CLDN10: variants seen among roughly 807,000 people sequenced by gnomAD.
CLDN10 encodes the protein claudin 10.
Under a neutral mutation model 22.9 loss-of-function variants are expected in CLDN10, and 15 were observed. That is an observed-to-expected ratio of 0.65 (90% CI 0.44 to 1.01). The LOEUF (loss-of-function observed/expected upper bound fraction) is 1.01. Among genes scored for constraint, CLDN10 ranks in the 50% least tolerant of loss-of-function variants. CLDN10 has a pLI of 0.00. For missense variants in CLDN10, 247 were observed against 287.8 expected, an observed-to-expected ratio of 0.86 and a Z score of 1.03; for synonymous variants, 114 against 111.4, an observed-to-expected ratio of 1.02 and a Z score of -0.15.
intron 1 of CLDN10, among the ~76,000 whole-genome samples, chr13:95,538,600 G>A (rs1420087032): frequency 1.3e-5 from 2 of 152,096 alleles, no homozygotes; most frequent in Non-Finnish European, 2.9e-5. Context: ...GTGTGTGTTC[G>A]CTCTGAAATC....
At chr13:95,449,385 G>A (rs8001285) in intron 1 of CLDN10, among the ~76,000 whole-genome samples, 33,754 of 151,756 alleles carry the variant, frequency 0.22, 4,360 homozygotes, top group Non-Finnish European at 0.3. Context: ...CCGAGTAGCT[G>A]GAATTACAGG....
chr13:95,537,685 T>C (rs142580743), intron 1 of CLDN10, among the ~76,000 whole-genome samples: 1 of 152,310 alleles, frequency 6.6e-6, no homozygotes, highest in Non-Finnish European at 1.5e-5. Flanking sequence ...CATTTCCAAA[T>C]TTGAAGTCCT....
chr13:95,502,764 G>A (rs1209790062), intron 1 of CLDN10, among the ~76,000 whole-genome samples: 1 of 152,022 alleles, frequency 6.6e-6, no homozygotes, highest in East Asian at 1.9e-4. Context: ...CAAGTGATCC[G>A]CCCGCCTCAG....
chr13:95,463,636 A>G (rs1293957195), intron 1 of CLDN10, among the ~76,000 whole-genome samples: 2 of 151,912 alleles, frequency 1.3e-5, no homozygotes, highest in Non-Finnish European at 2.9e-5. Context: ...CCTGGCCTTA[A>G]CTATACTTTA....
chr13:95,554,910 C>G (rs1424239853), intron 1 of CLDN10, among the ~76,000 whole-genome samples: 1 of 152,140 alleles, frequency 6.6e-6, no homozygotes, highest in African/African-American at 2.4e-5. Flanking sequence ...AGACTCCATT[C>G]CACTGAGAAA....
chr13:95,460,538 G>C (rs1030676685), intron 1 of CLDN10, among the ~76,000 whole-genome samples: 22 of 152,088 alleles, frequency 1.4e-4, no homozygotes, highest in African/African-American at 5.3e-4. Flanking sequence ...AAAACCATTA[G>C]ATCTCATGAA....
chr13:95,505,860 T>C (rs2043033289), intron 1 of CLDN10, among the ~76,000 whole-genome samples: 1 of 150,610 alleles, frequency 6.6e-6, no homozygotes, highest in African/African-American at 2.5e-5. Context: ...GTTCCAGTGA[T>C]TCTCTTGCCT....
Position 95,560,288 on chromosome 13 carries a change from T to C in CLDN10, c.377T>C (p.Leu126Pro). 6.2e-7 allele frequency: 1 copy of C among 1,614,102 alleles called. No homozygotes were observed. Among genetic ancestry groups the C allele is most frequent in the East Asian group, 2.2e-5 (1 of 44,872 alleles). ...TGTTTGGCTGGGATTGTATTCATAC[T>C]GTCAGGTAAATAGTAACTTTCTTCC... ...IACLAGIVFI[L>P]SGLCSMTGCS... Residue 126 changes from leucine to proline, a missense_variant, in exon 2 of 5, where the codon CTG becomes CCG. Physicochemically the swap from Leu to Pro is moderately conservative, Grantham distance 98 (BLOSUM62 -3). Transcript: ENST00000299339.
chr13:95,497,815 A>C (rs2042944401), intron 1 of CLDN10, among the ~76,000 whole-genome samples: 1 of 152,234 alleles, frequency 6.6e-6, no homozygotes, highest in African/African-American at 2.4e-5. Context: ...CAGGCCACTG[A>C]ATACTAGAAA....
intron 1 of CLDN10, among the ~76,000 whole-genome samples, chr13:95,526,617 G>A (rs149667155): frequency 0.099 from 15,064 of 151,928 alleles, 905 homozygotes; most frequent in Middle Eastern, 0.13. Flanking sequence ...GTGAAACTCC[G>A]TCTCTATTAA....
intron 1 of CLDN10, among the ~76,000 whole-genome samples, chr13:95,555,827 C>T (rs2138649305): frequency 6.6e-6 from 1 of 152,244 alleles, no homozygotes; most frequent in East Asian, 1.9e-4. Flanking sequence ...ACCTTGCATT[C>T]CCAGGTCAGC....
At chr13:95,451,489 G>A (rs2042431221) in intron 1 of CLDN10, among the ~76,000 whole-genome samples, 1 of 152,144 alleles carries the variant, frequency 6.6e-6, no homozygotes, top group South Asian at 2.1e-4. Context: ...AGGGTACAGT[G>A]GCACAGTCAT....
At chr13:95,570,858 G>GTGTATATATATATA (rs60359070) in intron 3 of CLDN10, among the ~76,000 whole-genome samples, 1,756 of 119,488 alleles carry the variant, frequency 0.015, 26 homozygotes, top group Middle Eastern at 0.045. Flanking sequence ...ATATACGTGT[G>GTGTATATATATATA]TATATATATA....
intron 1 of CLDN10, among the ~76,000 whole-genome samples, chr13:95,471,642 G>C (rs1439856804): frequency 2.0e-5 from 3 of 151,784 alleles, no homozygotes; most frequent in East Asian, 3.9e-4. Flanking sequence ...AGTAAAGACA[G>C]GGTTTCACCA....
chr13:95,452,500 C>T (rs1461391608), intron 1 of CLDN10, among the ~76,000 whole-genome samples: 1 of 152,122 alleles, frequency 6.6e-6, no homozygotes, highest in African/African-American at 2.4e-5. Flanking sequence ...TGGTCTTGCC[C>T]ATAAATTATC....
At chr13:95,495,403 G>T (rs1285029173) in intron 1 of CLDN10, among the ~76,000 whole-genome samples, 1 of 151,668 alleles carries the variant, frequency 6.6e-6, no homozygotes, top group Non-Finnish European at 1.5e-5. Flanking sequence ...TGTTCCCTTG[G>T]TCAACTGAGC....
chr13:95,462,828 C>T (rs530906759), intron 1 of CLDN10, among the ~76,000 whole-genome samples: 7 of 152,262 alleles, frequency 4.6e-5, no homozygotes, highest in African/African-American at 1.4e-4. Context: ...ATAAACGACT[C>T]AAAAGATACT....
At chr13:95,475,162 GGATCAGAC>G (rs1023407813) in intron 1 of CLDN10, among the ~76,000 whole-genome samples, 12 of 45,770 alleles carry the variant, frequency 2.6e-4, no homozygotes, top group African/African-American at 9.9e-4. Flanking sequence ...TCGGATCAGA[GGATCAGAC>G]GGCAGCAGCT....
At chr13:95,472,629 C>T (rs976221854) in intron 1 of CLDN10, among the ~76,000 whole-genome samples, 5 of 147,192 alleles carry the variant, frequency 3.4e-5, no homozygotes, top group Non-Finnish European at 5.9e-5. Flanking sequence ...AAGATCACAC[C>T]ACTGCACTCC....
Sources: allele counts gnomAD v4.1 joint callset (sites outside exome capture counted in the v4.1 genomes callset), GRCh38; gene constraint gnomAD v4.1.1; transcripts MANE v1.5; gene names NCBI Gene and HGNC (gene_info 2026-07-23, HGNC 2026-07-21).